MUC13: variants seen among roughly 807,000 people sequenced by gnomAD.
The protein encoded by MUC13 is mucin 13, cell surface associated, also known as mucin-13.
MUC13 carries 32 observed loss-of-function variants against 48.3 expected under a neutral mutation model. The observed-to-expected ratio is 0.66, with a 90% CI of 0.50 to 0.89. The LOEUF is 0.89. Ranked by LOEUF, MUC13 falls within the 40% of genes least tolerant of loss-of-function variation. The pLI is 0.00. For synonymous variants in MUC13, 199 were observed against 224.9 expected (o/e 0.88, Z 1.03); for missense variants, 571 against 622.8 (o/e 0.92, Z 0.88).
At position 124,927,852 on chromosome 3, in the gene MUC13, G is replaced by A. The variant is rs1935724036; in HGVS notation, c.194C>T (p.Thr65Ile). 2 of 1,613,962 alleles carry A rather than the reference G, an allele frequency of 1.2e-6. No homozygotes were observed. The highest frequency in any genetic ancestry group is 1.7e-6 in the Non-Finnish European group (2 of 1,180,018). ...STTANTPSFPTATSPAPPIIS... is the reference protein window; with the variant it reads ...STTANTPSFPIATSPAPPIIS... ...TATGGGGGGAGCAGGTGAAGTAGCT[G>A]TTGGGAAAGAAGGTGTATTTGCTGT... Residue 65 changes from threonine (T) to isoleucine (I), a missense_variant, in exon 2 of 12, where the codon ACA becomes ATA. Transcript: ENST00000616727.
chr3:124,932,495 G>A (rs1392742525), intron 1 of MUC13, among the ~76,000 whole-genome samples: 8 of 152,078 alleles, frequency 5.3e-5, no homozygotes, highest in Non-Finnish European at 1.2e-4. Context: ...GAACCTGGGA[G>A]GCGGAGGTTG....
At chr3:124,930,892 G>C (rs1935783776) in intron 1 of MUC13, among the ~76,000 whole-genome samples, 1 of 152,202 alleles carries the variant, frequency 6.6e-6, no homozygotes, top group Admixed American at 6.5e-5. Context: ...AACCTGGGAA[G>C]TTTTGCCTGT....
In MUC13 at chr3:124,916,394, C is replaced by T. The variant is rs1238602480; in HGVS notation, c.887G>A (p.Ser296Asn). The T allele has an allele frequency of 6.2e-7, 1 of 1,613,736 alleles. No individual in the cohort carries two copies. The highest frequency in any genetic ancestry group is 8.5e-7 in the Non-Finnish European group (1 of 1,179,922). Residue 296 changes from serine to asparagine, a missense_variant, in exon 6 of 12, where the codon AGT becomes AAT. By Grantham distance (46) the Ser-to-Asn change is conservative (BLOSUM62 1). Transcript: ENST00000616727. The part of the protein sequence containing the change: ...TIVTILAETT[S>N]DNEKTVTEKI... ...CTCAGTCACAGTCTTCTCATTGTCA[C>T]TTGTGGTTTCTGCCAAAATTGTTAC...
At chr3:124,931,887 A>C (rs1462451149) in intron 1 of MUC13, among the ~76,000 whole-genome samples, 1 of 152,250 alleles carries the variant, frequency 6.6e-6, no homozygotes, top group South Asian at 2.1e-4. Context: ...TACTAAAAAT[A>C]CAAAAAAATT....
chr3:124,933,613 G>A (rs1455036899), intron 1 of MUC13, among the ~76,000 whole-genome samples: 1 of 152,118 alleles, frequency 6.6e-6, no homozygotes, highest in African/African-American at 2.4e-5. Context: ...CCCCTCAACA[G>A]AATTCCTCTT....
chr3:124,923,397 G>T, intron 3 of MUC13, 130 bp downstream of exon 3: 1 of 934,424 alleles, frequency 1.1e-6, no homozygotes, highest in Non-Finnish European at 1.6e-6. Context: ...TACTTTGCTG[G>T]CCTTTGTTGC....
In MUC13 at chr3:124,908,273, C is replaced by A. The variant is rs151214305; in HGVS notation, c.1413G>T (p.Ser471=). Residue 471 remains serine, a synonymous_variant, in exon 11 of 12, where the codon TCG becomes TCT. Coordinates refer to ENST00000616727, the MANE Select transcript of MUC13 (RefSeq NM_033049.4). The part of the protein sequence containing the change: ...DEDFQNLKLR[S]TGFTNLGAEG... ...CTGCTCCAAGATTGGTGAAGCCTGTCGACCGCAGTTTTAGATTTTGAAAGT... is the reference window on the plus strand; with the variant it reads ...CTGCTCCAAGATTGGTGAAGCCTGTAGACCGCAGTTTTAGATTTTGAAAGT... 8.1e-6 allele frequency: 13 copies of A among 1,614,058 alleles called. No individual in the cohort carries two copies. Among genetic ancestry groups the A allele is most frequent in the Admixed American group, 3.3e-5 (2 of 59,998 alleles).
intron 5 of MUC13, among the ~76,000 whole-genome samples, 176 bp from the exon 6 acceptor site, chr3:124,916,656 G>A (rs1325341220): frequency 6.6e-6 from 1 of 152,154 alleles, no homozygotes; most frequent in Non-Finnish European, 1.5e-5. Flanking sequence ...GTACAGGCTT[G>A]GAGGTCTCTA....
Position 124,911,940 on chromosome 3 carries a change from G to T in MUC13, c.1252+164C>A, listed in dbSNP as rs186293891. The stretch of plus-strand genomic sequence containing the variant: ...GCTGCTGTTCATAACCTAAGGGTGG[G>T]CATGGCATGGCAGGACCCAGAAGGC... On this transcript the variant is annotated intron_variant, in intron 9 of 11. Coordinates refer to ENST00000616727, the MANE Select transcript of MUC13 (RefSeq NM_033049.4). Among the ~76,000 whole-genome samples, 9 of 152,312 alleles carry T rather than the reference G, an allele frequency of 5.9e-5. No individual in the cohort carries two copies. The East Asian group carries it at 1.3e-3, about 23-fold the overall frequency.
chr3:124,927,586 ATGAT>A lies in MUC13; in HGVS notation c.456_459del (p.Gln152HisfsTer16). 6.2e-7 allele frequency: 1 copy of A among 1,614,174 alleles called. No individual in the cohort carries two copies. Among genetic ancestry groups the A allele is most frequent in the Non-Finnish European group, 8.5e-7 (1 of 1,180,042 alleles). ...AAAGCGGTGCCAGTGGGAGGCCCTGATGATTGATTGTCTTCTGTGGTGGGGGACA... is the reference window on the plus strand; with the variant it reads ...AAAGCGGTGCCAGTGGGAGGCCCTGATGATTGTCTTCTGTGGTGGGGGACA... On this transcript the variant is annotated frameshift_variant, in exon 2 of 12. Transcript: ENST00000616727. LOFTEE classifies it high-confidence loss of function.
chr3:124,907,693 T>A (rs1935340472), intron 11 of MUC13, among the ~76,000 whole-genome samples: 1 of 151,278 alleles, frequency 6.6e-6, no homozygotes, highest in Admixed American at 6.6e-5. Context: ...TGCCTTGAGA[T>A]CAAGCGGCAG....
At position 124,927,791 on chromosome 3, in the gene MUC13, A is replaced by T. The variant is rs1276014732; in HGVS notation, c.255T>A (p.Pro85=). 6.2e-7 allele frequency: 1 copy of T among 1,613,756 alleles called. No individual in the cohort carries two copies. Among genetic ancestry groups the T allele is most frequent in the East Asian group, 2.2e-5 (1 of 44,864 alleles). The part of the protein sequence containing the change: ...STHSSSTIPT[P]APPIISTHSS... ...TATGTGTACTAATTATGGGGGGAGC[A>T]GGTGTAGGAATTGTGGAGGAACTAT... is the stretch of plus-strand genomic sequence containing the variant. The change falls in exon 2 of 12, where the codon CCT becomes CCA. Residue 85 remains proline (P), a synonymous_variant. Transcript: ENST00000616727.
At chr3:124,928,025 A>G in intron 1 of MUC13, 32 bp from the exon 2 acceptor site, 1 of 1,434,292 alleles carries the variant, frequency 7.0e-7, no homozygotes, top group East Asian at 2.3e-5. Context: ...GTTTGAGGAG[A>G]CAGTACATTG....
intron 1 of MUC13, among the ~76,000 whole-genome samples, chr3:124,931,409 C>T (rs1170047621): frequency 5.0e-5 from 7 of 139,656 alleles, no homozygotes; most frequent in Non-Finnish European, 1.5e-5. Flanking sequence ...TCCAGCCTGG[C>T]AACAGAGCGA....
At chr3:124,929,183 T>G (rs988030172) in intron 1 of MUC13, among the ~76,000 whole-genome samples, 1 of 151,708 alleles carries the variant, frequency 6.6e-6, no homozygotes, top group African/African-American at 2.4e-5. Flanking sequence ...TTATTTTATT[T>G]TTTTTTTTTA....
chr3:124,932,146 G>T (rs992544352), intron 1 of MUC13, among the ~76,000 whole-genome samples: 4 of 152,236 alleles, frequency 2.6e-5, no homozygotes, highest in Admixed American at 2.6e-4. Context: ...AGATGGGTGG[G>T]AAGTCAGATT....
chr3:124,912,020 A>C, intron 9 of MUC13, 84 bp downstream of exon 9: 1 of 1,534,208 alleles, frequency 6.5e-7, no homozygotes, highest in Admixed American at 1.9e-5. Context: ...ACTTTGAAGG[A>C]CTGGGCAGGA....
At position 124,916,315 on chromosome 3, in the gene MUC13, A is replaced by G; in HGVS notation, c.964+2T>C. Reference sequence around the variant, plus strand: ...CTTTGAATAAAATTATACAATACTTACAATCATAGTTTAGAAAGTTGCTTG... The same window carrying G: ...CTTTGAATAAAATTATACAATACTTGCAATCATAGTTTAGAAAGTTGCTTG... On this transcript the variant is annotated splice_donor_variant, in intron 6 of 11. Transcript: ENST00000616727. LOFTEE classifies it high-confidence loss of function. 1 of 1,606,862 alleles carries G rather than the reference A, an allele frequency of 6.2e-7. No homozygotes were observed. Among genetic ancestry groups the G allele is most frequent in the Non-Finnish European group, 8.5e-7 (1 of 1,176,444 alleles).
In MUC13 at chr3:124,912,091, C is replaced by T. The variant is rs1471921478; in HGVS notation, c.1252+13G>A. On this transcript the variant is annotated intron_variant, in intron 9 of 11. Coordinates refer to ENST00000616727, the MANE Select transcript of MUC13 (RefSeq NM_033049.4). The stretch of plus-strand genomic sequence containing the variant: ...TAATAACTTGTTTATAATAGCAAGA[C>T]TTTCATACTCACTGTCCTTACAGTC... 1 of 1,611,732 alleles carries T rather than the reference C, an allele frequency of 6.2e-7. No homozygotes were observed. The highest frequency in any genetic ancestry group is 1.3e-5 in the African/African-American group (1 of 74,882).
Sources: gnomAD v4.1 joint callset for allele counts (sites outside exome capture counted in the v4.1 genomes callset) on GRCh38, gnomAD v4.1.1 for gene constraint, MANE v1.5 for transcripts, NCBI Gene and HGNC (gene_info 2026-07-23, HGNC 2026-07-21) for gene names.